The following PCBP3 variants were observed in gnomAD, a reference collection of about 807,000 sequenced individuals.
PCBP3 encodes the protein poly(rC)-binding protein 3.
Under a neutral mutation model 52.7 loss-of-function variants are expected in PCBP3, and 25 were observed. The observed-to-expected ratio is 0.47, with a 90% CI of 0.35 to 0.66. The LOEUF (loss-of-function observed/expected upper bound fraction) is 0.66. Ranked by LOEUF, PCBP3 falls within the 30% of genes least tolerant of loss-of-function variation. The pLI, the probability that PCBP3 is intolerant of heterozygous loss-of-function variation, is 0.01. For synonymous variants in PCBP3, 162 were observed against 183.0 expected, an observed-to-expected ratio of 0.89 and a Z score of 0.93; for missense variants, 391 against 490.3, an observed-to-expected ratio of 0.80 and a Z score of 1.91.
At chr21:45,890,279 C>T (rs779290686) in intron 5 of PCBP3, among the ~76,000 whole-genome samples, 11 of 152,212 alleles carry the variant, frequency 7.2e-5, no homozygotes, top group South Asian at 2.1e-4. Flanking sequence ...TTGGCGGGGC[C>T]GTGGAGGAGC....
At chr21:45,834,179 C>T (rs1010608499) in intron 4 of PCBP3, among the ~76,000 whole-genome samples, 10 of 152,132 alleles carry the variant, frequency 6.6e-5, no homozygotes, top group Non-Finnish European at 1.3e-4. Flanking sequence ...GTCAAGGGCC[C>T]AGACTCCAAG....
At chr21:45,665,299 T>C (rs1467022684) in intron 1 of PCBP3, among the ~76,000 whole-genome samples, 1 of 152,060 alleles carries the variant, frequency 6.6e-6, no homozygotes, top group Non-Finnish European at 1.5e-5. Context: ...TCCTAGCTCC[T>C]TGGGGGGCTG....
In PCBP3 at chr21:45,654,722, T is replaced by C. The variant is rs529213739; in HGVS notation, c.-279+10854T>C. On this transcript the variant is annotated intron_variant, in intron 1 of 17. Coordinates refer to ENST00000681687, the MANE Select transcript of PCBP3 (RefSeq NM_001384156.1). ...CAATTTACTTAAACGTTTTGTGGGA[T>C]ATAATTCACACACTATAAAATTCAC... is the stretch of plus-strand genomic sequence containing the variant. 6.6e-5 allele frequency among the ~76,000 whole-genome samples: 10 copies of C among 152,328 alleles called. No homozygotes were observed. In the East Asian group the frequency reaches 9.6e-4, roughly 15 times the overall value.
intron 4 of PCBP3, among the ~76,000 whole-genome samples, chr21:45,816,068 AGTGAGTG>A (rs1337442559): frequency 3.5e-5 from 3 of 84,638 alleles, no homozygotes; most frequent in Admixed American, 1.1e-4. Flanking sequence ...GTGAGTGATG[AGTGAGTG>A]GTGAGTGATG....
At chr21:45,912,479 C>A (rs1052917964) in intron 11 of PCBP3, among the ~76,000 whole-genome samples, 8 of 152,154 alleles carry the variant, frequency 5.3e-5, no homozygotes, top group African/African-American at 1.9e-4. Context: ...GGGCATGCCT[C>A]ACCTCACACC....
At chr21:45,789,349 G>A (rs2091380959) in intron 4 of PCBP3, among the ~76,000 whole-genome samples, 1 of 152,180 alleles carries the variant, frequency 6.6e-6, no homozygotes, top group Admixed American at 6.5e-5. Context: ...TGCATGAGTG[G>A]GTGCATGTGT....
rs1206048679 is a variant in PCBP3 at position 45,821,521 on chromosome 21, A to G, written c.-125-28440A>G. ...TGGGCCCTGTGCCTTCCCCTAACTC[A>G]TTTCTAGAATACTCTTCCCTGCCTG... On this transcript the variant is annotated intron_variant, in intron 4 of 17. Transcript: ENST00000681687. The surrounding 1 kb of genome is among the most constrained non-coding windows in gnomAD (Gnocchi z 4.4). Among the ~76,000 whole-genome samples, 1 of 132,446 alleles carries G rather than the reference A, an allele frequency of 7.6e-6. No homozygotes were observed. Among genetic ancestry groups the G allele is most frequent in the Non-Finnish European group, 1.6e-5 (1 of 62,814 alleles). 86.9% of individuals were successfully genotyped at this position (132,446 alleles called of 152,430 possible). A position where few individuals can be genotyped will look rare whatever the true frequency, so the allele number is the denominator to read the frequency against.
intron 3 of PCBP3, among the ~76,000 whole-genome samples, chr21:45,740,652 TG>T (rs367921422): frequency 4.6e-5 from 7 of 151,304 alleles, no homozygotes; most frequent in African/African-American, 1.7e-4. Flanking sequence ...TGTGTGTGCA[TG>T]TGTATTTACC....
intron 2 of PCBP3, among the ~76,000 whole-genome samples, chr21:45,688,810 AATG>A (rs1393420419): frequency 6.6e-6 from 1 of 151,956 alleles, no homozygotes; most frequent in Non-Finnish European, 1.5e-5. Context: ...TGAAAAGGCT[AATG>A]ATGCAATATT....
intron 5 of PCBP3, among the ~76,000 whole-genome samples, chr21:45,861,880 A>G (rs1190903664): frequency 6.6e-6 from 1 of 152,168 alleles, no homozygotes; most frequent in African/African-American, 2.4e-5. Context: ...ACACTGGGCA[A>G]TTTATAAACA....
At chr21:45,764,652 G>C (rs1408180239) in intron 4 of PCBP3, among the ~76,000 whole-genome samples, 2 of 152,220 alleles carry the variant, frequency 1.3e-5, no homozygotes, top group African/African-American at 2.4e-5. Context: ...TGGGCAGGCA[G>C]CTGTGCTTAG....
At chr21:45,901,834 T>A (rs2096065660) in intron 9 of PCBP3, among the ~76,000 whole-genome samples, 1 of 152,234 alleles carries the variant, frequency 6.6e-6, no homozygotes, top group African/African-American at 2.4e-5. Context: ...AATGTCTTTA[T>A]GTGTTTCTAA....
chr21:45,834,121 C>T (rs970580579), intron 4 of PCBP3, among the ~76,000 whole-genome samples: 5 of 152,028 alleles, frequency 3.3e-5, no homozygotes, highest in Non-Finnish European at 7.4e-5. Flanking sequence ...AGACTGCCAC[C>T]GATTCACGAG....
rs558134892 is a variant in PCBP3, at chr21:45,889,258, C to T, written c.11-6950C>T. 1.7e-3 allele frequency among the ~76,000 whole-genome samples: 266 copies of T among 152,242 alleles called. 1 individual carries two copies. The highest frequency in any genetic ancestry group is 2.6e-3 in the Non-Finnish European group (174 of 67,998). ...GTTAAATGTAAGTGCCCCGAGCTGC[C>T]GTCAGCAGCTGCATGCGGGCCAGCA... is the stretch of plus-strand genomic sequence containing the variant. On this transcript the variant is annotated intron_variant, in intron 5 of 17. Transcript: ENST00000681687.
chr21:45,696,079 CAAAAAAAAA>C (rs71185164), intron 2 of PCBP3, among the ~76,000 whole-genome samples: 1 of 39,646 alleles, frequency 2.5e-5, no homozygotes, highest in South Asian at 1.3e-3. Context: ...GACTCTGTCT[CAAAAAAAAA>C]AAAAAAAAAA....
At chr21:45,866,045 T>C (rs2094711311) in intron 5 of PCBP3, among the ~76,000 whole-genome samples, 1 of 152,350 alleles carries the variant, frequency 6.6e-6, no homozygotes, top group Middle Eastern at 3.4e-3. Flanking sequence ...AGAATAGCAG[T>C]GGGCTTCCTT....
chr21:45,648,494 G>A (rs569984772), intron 1 of PCBP3, among the ~76,000 whole-genome samples: 87 of 152,188 alleles, frequency 5.7e-4, no homozygotes, highest in African/African-American at 1.8e-3. Context: ...CCCAATTGCC[G>A]TGTCCCACTG....
intron 9 of PCBP3, 38 bp downstream of exon 9, chr21:45,901,151 G>T: frequency 7.0e-7 from 1 of 1,433,146 alleles, no homozygotes; most frequent in Non-Finnish European, 9.8e-7. Context: ...AGCCTGGCGG[G>T]GGCAGGCCTG....
rs2092346433 is a variant in PCBP3 at position 45,802,551 on chromosome 21, GGACA to G, written c.-126+47101_-126+47104del. Among the ~76,000 whole-genome samples the G allele has an allele frequency of 6.6e-6, 1 of 152,228 alleles. No individual in the cohort carries two copies. The highest frequency in any genetic ancestry group is 1.5e-5 in the Non-Finnish European group (1 of 68,028). ...GCAAAAGTGAGCCATGCTGGAGAAG[GGACA>G]GGAGCCCCTGGGAGACGTAAGAGAT... On this transcript the variant is annotated intron_variant, in intron 4 of 17. Coordinates refer to ENST00000681687, the MANE Select transcript of PCBP3 (RefSeq NM_001384156.1). This position sits in a 1 kb window ranked among gnomAD's most constrained non-coding sequence, Gnocchi z 5.1.
Sources: allele counts gnomAD v4.1 joint callset (sites outside exome capture counted in the v4.1 genomes callset), GRCh38; gene constraint gnomAD v4.1.1; non-coding constraint Gnocchi (gnomAD v3.1); transcripts MANE v1.5; gene names NCBI Gene and HGNC (gene_info 2026-07-23, HGNC 2026-07-21).